Variants in TBC1D19 observed in about 807,000 individuals in gnomAD.
The protein encoded by TBC1D19 is TBC1 domain family, member 19.
In TBC1D19, 60 loss-of-function variants were observed where a neutral mutation model predicts 89.0. The observed-to-expected ratio is 0.67, with a 90% CI of 0.55 to 0.84. TBC1D19 has a LOEUF of 0.84. Ranked by LOEUF, TBC1D19 falls within the 40% of genes least tolerant of loss-of-function variation. The pLI is 0.00. For synonymous variants in TBC1D19, 189 were observed against 199.7 expected (o/e 0.95, Z 0.45); for missense variants, 500 against 610.8 (o/e 0.82, Z 1.91).
chr4:26,839,836 A>C, the TBC1D19 span, among the ~76,000 whole-genome samples: 2 of 152,108 alleles, frequency 1.3e-5, no homozygotes, highest in Non-Finnish European at 2.9e-5. Flanking sequence ...TCACATGCCC[A>C]TAGGCTGGCT....
the TBC1D19 span, among the ~76,000 whole-genome samples, chr4:26,850,235 G>A: frequency 4.6e-5 from 7 of 151,964 alleles, no homozygotes; most frequent in African/African-American, 1.7e-4. Flanking sequence ...AGTATGGCTA[G>A]TGTCCTTATA....
intron 10 of TBC1D19, 36 bp from the exon 11 acceptor site, chr4:26,673,740 G>A: frequency 7.4e-7 from 1 of 1,345,160 alleles, no homozygotes; most frequent in Non-Finnish European, 1.1e-6. Context: ...CTTACATTCT[G>A]AGTTTTCAAA....
chr4:26,590,432 T>G (rs542461480), intron 1 of TBC1D19, among the ~76,000 whole-genome samples: 9 of 152,308 alleles, frequency 5.9e-5, no homozygotes, highest in African/African-American at 2.2e-4. Context: ...TTGTCACGTT[T>G]TATATCAAGG....
the TBC1D19 span, among the ~76,000 whole-genome samples, chr4:26,768,927 A>C: frequency 6.6e-6 from 1 of 152,050 alleles, no homozygotes; most frequent in Admixed American, 6.6e-5. Context: ...TCTAAATTTG[A>C]TGAAAATTAA....
At chr4:26,854,423 C>T in the TBC1D19 span, among the ~76,000 whole-genome samples, 201 of 152,280 alleles carry the variant, frequency 1.3e-3, no homozygotes, top group African/African-American at 4.6e-3. Context: ...TTCACAATGC[C>T]TTGGCTCTCC....
intron 15 of TBC1D19, among the ~76,000 whole-genome samples, chr4:26,735,143 CAT>C (rs1222085429): frequency 2.6e-4 from 39 of 151,208 alleles, no homozygotes; most frequent in African/African-American, 4.4e-4. Context: ...TTTGTATACA[CAT>C]ATGTGTGTAT....
the TBC1D19 span, among the ~76,000 whole-genome samples, chr4:26,788,903 C>G: frequency 6.6e-6 from 1 of 152,188 alleles, no homozygotes; most frequent in Non-Finnish European, 1.5e-5. Context: ...GAGCTACTGG[C>G]CTTCTTGGCT....
the TBC1D19 span, among the ~76,000 whole-genome samples, chr4:26,769,747 C>T: frequency 1.3e-5 from 2 of 151,768 alleles, no homozygotes; most frequent in African/African-American, 4.8e-5. Context: ...TGTGTTTCAC[C>T]ATGTTGCCCA....
chr4:26,725,170 T>C (rs1382187015), intron 15 of TBC1D19, among the ~76,000 whole-genome samples: 1 of 151,976 alleles, frequency 6.6e-6, no homozygotes, highest in African/African-American at 2.4e-5. Context: ...AGTTGGGGAG[T>C]AGGGTATGGT....
intron 7 of TBC1D19, among the ~76,000 whole-genome samples, chr4:26,648,284 C>G (rs1369644665): frequency 1.3e-5 from 2 of 152,180 alleles, no homozygotes; most frequent in African/African-American, 4.8e-5. Flanking sequence ...GGGGTCGTTT[C>G]TACCCAACTG....
chr4:26,597,047 T>C (rs987277556), intron 1 of TBC1D19, among the ~76,000 whole-genome samples: 2 of 152,226 alleles, frequency 1.3e-5, no homozygotes, highest in African/African-American at 2.4e-5. Flanking sequence ...ATTGCCATTG[T>C]TGGATTAGAT....
chr4:26,799,878 G>A, the TBC1D19 span, among the ~76,000 whole-genome samples: 8 of 152,200 alleles, frequency 5.3e-5, no homozygotes, highest in Non-Finnish European at 1.0e-4. Flanking sequence ...CTAGCTTGGG[G>A]AGCAGGGGAA....
At chr4:26,689,560 A>T (rs541290519) in intron 13 of TBC1D19, among the ~76,000 whole-genome samples, 1 of 152,208 alleles carries the variant, frequency 6.6e-6, no homozygotes, top group Non-Finnish European at 1.5e-5. Context: ...TTTCAACAGC[A>T]TGAGCTTGTT....
chr4:26,787,169 C>G, the TBC1D19 span, among the ~76,000 whole-genome samples: 1 of 144,860 alleles, frequency 6.9e-6, no homozygotes, highest in Non-Finnish European at 1.5e-5. Flanking sequence ...GTGGTGCAAT[C>G]TTGGCTCACT....
chr4:26,842,583 C>CCTCCCTTT, the TBC1D19 span, among the ~76,000 whole-genome samples: 87 of 70,602 alleles, frequency 1.2e-3, 1 homozygote, highest in Middle Eastern at 6.7e-3. Context: ...TTCCTCCCTC[C>CCTCCCTTT]CTTTCTTTCT....
intron 13 of TBC1D19, among the ~76,000 whole-genome samples, chr4:26,709,880 G>C (rs887116648): frequency 1.3e-5 from 2 of 151,918 alleles, no homozygotes; most frequent in Non-Finnish European, 1.5e-5. Context: ...CTAGGAGGTA[G>C]TTTTATTCGC....
Position 26,755,746 on chromosome 4 carries a change from C to G in TBC1D19, c.*799C>G, listed in dbSNP as rs1474225060. Among the ~76,000 whole-genome samples, 1 of 152,096 alleles carries G rather than the reference C, an allele frequency of 6.6e-6. No homozygotes were observed. The highest frequency in any genetic ancestry group is 2.4e-5 in the African/African-American group (1 of 41,436). On this transcript the variant is annotated 3_prime_UTR_variant, in exon 21 of 21. Coordinates refer to ENST00000264866, the MANE Select transcript of TBC1D19 (RefSeq NM_018317.4). ...ACCCAAGAGAATGAGGAGTCAAAAC[C>G]CCATTCACTTTTGCTGAAGCTTGGT...
intron 1 of TBC1D19, among the ~76,000 whole-genome samples, chr4:26,584,667 G>A (rs926830415): frequency 1.3e-5 from 2 of 152,130 alleles, no homozygotes; most frequent in Non-Finnish European, 2.9e-5. Context: ...CTTGGACCAT[G>A]CCTTCCCTCA....
At chr4:26,746,353 A>G (rs1718647282) in intron 18 of TBC1D19, among the ~76,000 whole-genome samples, 1 of 151,644 alleles carries the variant, frequency 6.6e-6, no homozygotes, top group South Asian at 2.1e-4. Context: ...GATTACAGCC[A>G]TCACCACACA....
Sources: allele counts gnomAD v4.1 joint callset (sites outside exome capture counted in the v4.1 genomes callset), GRCh38; gene constraint gnomAD v4.1.1; transcripts MANE v1.5; gene names NCBI Gene and HGNC (gene_info 2026-07-23, HGNC 2026-07-21).